Variants in ACOXL observed in about 807,000 individuals in gnomAD.
ACOXL encodes acyl-coenzyme A oxidase-like protein.
ACOXL carries 70 observed loss-of-function variants against 71.9 expected under a neutral mutation model. That is an observed-to-expected ratio of 0.97 (90% CI 0.80 to 1.19). The LOEUF (loss-of-function observed/expected upper bound fraction) is 1.19. ACOXL is among the 50% of genes most tolerant of loss of function. The pLI is 0.00. For synonymous variants in ACOXL, 253 were observed against 281.6 expected (o/e 0.90, Z 1.02); for missense variants, 703 against 736.3 (o/e 0.95, Z 0.52).
At chr2:111,068,847 A>G (rs1286336651) in intron 16 of ACOXL, among the ~76,000 whole-genome samples, 2 of 152,196 alleles carry the variant, frequency 1.3e-5, no homozygotes, top group Admixed American at 1.3e-4. Context: ...CACTGCTGTC[A>G]TATTTGATGA....
At chr2:111,107,577 C>T (rs758705105) in intron 17 of ACOXL, among the ~76,000 whole-genome samples, 1 of 152,196 alleles carries the variant, frequency 6.6e-6, no homozygotes, top group Non-Finnish European at 1.5e-5. Context: ...CAACCTCTGC[C>T]TCCTGGATTC....
At chr2:110,834,027 T>C (rs1018716164) in intron 9 of ACOXL, among the ~76,000 whole-genome samples, 1 of 152,204 alleles carries the variant, frequency 6.6e-6, no homozygotes, top group African/African-American at 2.4e-5. Context: ...TTCCTGTATT[T>C]AATGTCCCCA....
intron 12 of ACOXL, among the ~76,000 whole-genome samples, chr2:110,975,983 A>G (rs1219214054): frequency 6.6e-6 from 1 of 152,216 alleles, no homozygotes; most frequent in African/African-American, 2.4e-5. Context: ...GGATTGGAGA[A>G]TACAGAGAGG....
chr2:110,846,619 G>C (rs1385185994), intron 10 of ACOXL, among the ~76,000 whole-genome samples: 1 of 122,112 alleles, frequency 8.2e-6, no homozygotes, highest in Non-Finnish European at 1.8e-5. Flanking sequence ...TCCCGCATGT[G>C]AGCATGCAAG....
intron 2 of ACOXL, among the ~76,000 whole-genome samples, chr2:110,770,149 A>G (rs151181923): frequency 6.6e-6 from 1 of 152,274 alleles, no homozygotes; most frequent in Non-Finnish European, 1.5e-5. Context: ...CATGCTGAGG[A>G]GCCGACCCTA....
intron 11 of ACOXL, among the ~76,000 whole-genome samples, chr2:110,921,390 C>CT (rs2060064834): frequency 2.1e-5 from 2 of 95,912 alleles, no homozygotes. Context: ...ATATATCCAC[C>CT]CCCCCCCCCC....
At chr2:111,064,765 C>CA (rs2066985528) in intron 16 of ACOXL, among the ~76,000 whole-genome samples, 1 of 152,128 alleles carries the variant, frequency 6.6e-6, no homozygotes, top group East Asian at 1.9e-4. Context: ...TACAATGTCT[C>CA]AAAAAATTAG....
At chr2:110,786,010 G>A (rs1033488985) in intron 3 of ACOXL, among the ~76,000 whole-genome samples, 3 of 152,144 alleles carry the variant, frequency 2.0e-5, no homozygotes, top group African/African-American at 7.2e-5. Flanking sequence ...CAATTATCTT[G>A]CATGTTCCTG....
rs764407390 is a variant in ACOXL at position 110,963,664 on chromosome 2, A to G, written c.1060-23444A>G. On this transcript the variant is annotated intron_variant, in intron 12 of 17. Transcript: ENST00000439055. ...AATCGAATCTCAGGCTTAAAGTGTG[A>G]CACAGATGTGTTTGCCACTTTTGAA... is the stretch of plus-strand genomic sequence containing the variant. 3.1e-6 allele frequency: 5 copies of G among 1,613,832 alleles called. No homozygotes were observed. The East Asian group carries it at 6.7e-5, about 22-fold the overall frequency.
At chr2:110,926,946 T>A (rs1422812598) in intron 11 of ACOXL, among the ~76,000 whole-genome samples, 1 of 152,138 alleles carries the variant, frequency 6.6e-6, no homozygotes, top group Non-Finnish European at 1.5e-5. Flanking sequence ...TCTTCTGTAC[T>A]GGGTTATATT....
chr2:110,978,151 T>C (rs1461103255), intron 12 of ACOXL, among the ~76,000 whole-genome samples: 1 of 152,220 alleles, frequency 6.6e-6, no homozygotes, highest in Non-Finnish European at 1.5e-5. Flanking sequence ...AACAGACATT[T>C]ATTTCTTACA....
At chr2:110,846,645 A>G (rs1336436689) in intron 10 of ACOXL, among the ~76,000 whole-genome samples, 26 of 147,684 alleles carry the variant, frequency 1.8e-4, no homozygotes, top group Non-Finnish European at 2.2e-4. Context: ...ATACACGCAC[A>G]CACACACACA....
chr2:111,063,195 A>T (rs941801298), intron 16 of ACOXL, among the ~76,000 whole-genome samples: 2 of 152,176 alleles, frequency 1.3e-5, no homozygotes, highest in Non-Finnish European at 2.9e-5. Flanking sequence ...TCAGTGGTTA[A>T]TTTAGAGAAG....
intron 16 of ACOXL, among the ~76,000 whole-genome samples, chr2:111,078,916 A>T (rs886847689): frequency 1.3e-5 from 2 of 152,120 alleles, no homozygotes; most frequent in African/African-American, 4.8e-5. Context: ...CCTTCTGTTG[A>T]TTGTGATTCC....
At chr2:111,104,689 T>G (rs2069412472) in intron 17 of ACOXL, among the ~76,000 whole-genome samples, 1 of 152,198 alleles carries the variant, frequency 6.6e-6, no homozygotes, top group African/African-American at 2.4e-5. Context: ...GGATTGTTAT[T>G]TTTTTAAACT....
chr2:110,764,743 G>C (rs186694312), intron 1 of ACOXL, among the ~76,000 whole-genome samples: 1 of 152,134 alleles, frequency 6.6e-6, no homozygotes, highest in African/African-American at 2.4e-5. Flanking sequence ...ATACACATGT[G>C]GGGGCAGGAA....
intron 16 of ACOXL, among the ~76,000 whole-genome samples, chr2:111,064,456 A>C (rs1225268454): frequency 2.0e-5 from 3 of 151,380 alleles, no homozygotes; most frequent in East Asian, 1.9e-4. Flanking sequence ...CAAAAAAAAA[A>C]CAACAACTAT....
intron 12 of ACOXL, among the ~76,000 whole-genome samples, chr2:110,952,958 A>T (rs1239926644): frequency 6.6e-6 from 1 of 152,228 alleles, no homozygotes; most frequent in Non-Finnish European, 1.5e-5. Flanking sequence ...TAATTTCCAT[A>T]GTGACTTTAT....
intron 3 of ACOXL, among the ~76,000 whole-genome samples, chr2:110,786,945 T>G (rs942005915): frequency 1.3e-5 from 2 of 152,128 alleles, no homozygotes; most frequent in South Asian, 4.1e-4. Flanking sequence ...GATAATGGTT[T>G]TAGGGCTATG....
Sources: gnomAD v4.1 joint callset for allele counts (sites outside exome capture counted in the v4.1 genomes callset) on GRCh38, gnomAD v4.1.1 for gene constraint, MANE v1.5 for transcripts, NCBI Gene and HGNC (gene_info 2026-07-23, HGNC 2026-07-21) for gene names.